CDH12: variants seen among roughly 807,000 people sequenced by gnomAD.
The protein encoded by CDH12 is cadherin-12.
In CDH12, 41 loss-of-function variants were observed where a neutral mutation model predicts 74.1. The observed-to-expected ratio is 0.55, with a 90% CI of 0.43 to 0.72. CDH12 has a LOEUF of 0.72. CDH12 is among the 30% of genes least tolerant of loss of function. The probability of loss-of-function intolerance (pLI) is 0.00; values close to 1 mark genes in which losing one functional copy is unlikely to be tolerated. For synonymous variants in CDH12, 399 were observed against 355.0 expected, an observed-to-expected ratio of 1.12 and a Z score of -1.39; for missense variants, 945 against 977.2, an observed-to-expected ratio of 0.97 and a Z score of 0.44.
At chr5:22,548,877 T>C (rs1738443926) in intron 1 of CDH12, among the ~76,000 whole-genome samples, 1 of 152,084 alleles carries the variant, frequency 6.6e-6, no homozygotes, top group African/African-American at 2.4e-5. Flanking sequence ...CCCTTTCTCA[T>C]AGTGCTTCCT....
intron 4 of CDH12, among the ~76,000 whole-genome samples, chr5:22,204,532 A>T (rs1323267161): frequency 6.6e-6 from 1 of 152,232 alleles, no homozygotes; most frequent in Non-Finnish European, 1.5e-5. Context: ...ATACAATGTA[A>T]AATTCAGACT....
intron 5 of CDH12, among the ~76,000 whole-genome samples, chr5:22,074,965 T>C (rs1742204507): frequency 6.6e-6 from 1 of 152,046 alleles, no homozygotes; most frequent in Non-Finnish European, 1.5e-5. Flanking sequence ...ACTGGGTATA[T>C]ACCCAAAGGA....
At chr5:21,784,801 C>G (rs1212850782) in intron 10 of CDH12, among the ~76,000 whole-genome samples, 1 of 152,132 alleles carries the variant, frequency 6.6e-6, no homozygotes, top group Non-Finnish European at 1.5e-5. Context: ...TTATTTGAAA[C>G]TGTAGCAGTT....
At chr5:21,790,447 T>C (rs1746426353) in intron 10 of CDH12, among the ~76,000 whole-genome samples, 1 of 152,090 alleles carries the variant, frequency 6.6e-6, no homozygotes, top group Non-Finnish European at 1.5e-5. Flanking sequence ...TTGCAATACA[T>C]AGATTAACCA....
At chr5:21,800,031 T>A (rs902158728) in intron 10 of CDH12, among the ~76,000 whole-genome samples, 2 of 152,190 alleles carry the variant, frequency 1.3e-5, no homozygotes, top group Non-Finnish European at 2.9e-5. Context: ...GAGTTTCCCC[T>A]GTTAGGTTTT....
At chr5:21,832,237 A>G (rs1265992320) in intron 8 of CDH12, among the ~76,000 whole-genome samples, 1 of 152,158 alleles carries the variant, frequency 6.6e-6, no homozygotes, top group Admixed American at 6.6e-5. Flanking sequence ...GACATGGTGA[A>G]CAGAACTAAG....
intron 4 of CDH12, among the ~76,000 whole-genome samples, chr5:22,098,996 A>T (rs551269796): frequency 6.6e-6 from 1 of 152,258 alleles, no homozygotes; most frequent in Admixed American, 6.5e-5. Context: ...CTCCTCAAGG[A>T]TTATTCAGGC....
At chr5:22,519,515 C>A (rs1230037609) in intron 1 of CDH12, among the ~76,000 whole-genome samples, 1 of 151,574 alleles carries the variant, frequency 6.6e-6, no homozygotes, top group Non-Finnish European at 1.5e-5. Context: ...ACTCCACCTC[C>A]TGGGTTCATG....
chr5:22,550,552 G>C (rs969193044), intron 1 of CDH12, among the ~76,000 whole-genome samples: 1 of 151,990 alleles, frequency 6.6e-6, no homozygotes. Flanking sequence ...ATAACAAGTC[G>C]ATTCTAACAC....
intron 2 of CDH12, among the ~76,000 whole-genome samples, chr5:22,435,530 A>ATATG: frequency 7.6e-6 from 1 of 130,770 alleles, no homozygotes; most frequent in African/African-American, 2.8e-5. Flanking sequence ...GTGTGTATAT[A>ATATG]CATATATACT....
intron 3 of CDH12, among the ~76,000 whole-genome samples, chr5:22,391,165 G>A (rs948095117): frequency 2.0e-5 from 3 of 152,158 alleles, no homozygotes; most frequent in Admixed American, 6.6e-5. Context: ...ACAGAGTGTT[G>A]CAGATGAGAA....
At chr5:22,263,686 A>G (rs1753604010) in intron 3 of CDH12, among the ~76,000 whole-genome samples, 1 of 152,126 alleles carries the variant, frequency 6.6e-6, no homozygotes, top group African/African-American at 2.4e-5. Context: ...ATATAGTACA[A>G]TGATGATAAA....
intron 6 of CDH12, among the ~76,000 whole-genome samples, chr5:21,872,903 A>ATCTATCTATCTATCTG (rs1347847483): frequency 2.6e-5 from 4 of 151,584 alleles, no homozygotes; most frequent in Non-Finnish European, 5.9e-5. Context: ...CCATCTATCT[A>ATCTATCTATCTATCTG]TCTATCTATC....
intron 1 of CDH12, among the ~76,000 whole-genome samples, chr5:22,666,295 T>G (rs1580867026): frequency 1.1e-5 from 1 of 87,812 alleles, no homozygotes; most frequent in East Asian, 3.0e-4. Flanking sequence ...TTTTTTTTTT[T>G]TTTTTTGTTT....
chr5:22,109,834 T>G (rs1046982001), intron 4 of CDH12, among the ~76,000 whole-genome samples: 1 of 152,062 alleles, frequency 6.6e-6, no homozygotes, highest in Non-Finnish European at 1.5e-5. Flanking sequence ...ATAAGACAGA[T>G]TAGCAGGAAA....
chr5:22,159,874 T>C (rs1268307711), intron 4 of CDH12, among the ~76,000 whole-genome samples: 1 of 152,194 alleles, frequency 6.6e-6, no homozygotes, highest in East Asian at 1.9e-4. Context: ...CAGCTCTATA[T>C]ACTAGGACAT....
intron 3 of CDH12, among the ~76,000 whole-genome samples, chr5:22,294,895 C>A (rs1737557365): frequency 6.6e-6 from 1 of 152,162 alleles, no homozygotes; most frequent in African/African-American, 2.4e-5. Context: ...ATGGCAGGAA[C>A]AACTTTCCCA....
chr5:22,045,602 CAA>C lies in CDH12; in HGVS notation c.231+32842_231+32843del, dbSNP rs34753862. On this transcript the variant is annotated intron_variant, in intron 5 of 14. Coordinates refer to ENST00000382254, the MANE Select transcript of CDH12 (RefSeq NM_004061.5). ...ATACAAAAATGGTACACTATTCAGC[CAA>C]AAAAAAAAAAAAACAATAAAATCTT... is the stretch of plus-strand genomic sequence containing the variant. 1.6e-4 allele frequency among the ~76,000 whole-genome samples: 18 copies of C among 112,854 alleles called. 1 individual carries two copies. Among genetic ancestry groups the C allele is most frequent in the African/African-American group, 3.5e-4 (12 of 34,588 alleles). 74.0% of individuals were successfully genotyped at this position (112,854 alleles called of 152,430 possible).
At chr5:22,014,164 T>C (rs1473136236) in intron 5 of CDH12, among the ~76,000 whole-genome samples, 2 of 152,208 alleles carry the variant, frequency 1.3e-5, no homozygotes, top group Admixed American at 6.5e-5. Flanking sequence ...GAGGCGGATG[T>C]TGCAGTGCAC....
Sources: gnomAD v4.1 joint callset for allele counts (sites outside exome capture counted in the v4.1 genomes callset) on GRCh38, gnomAD v4.1.1 for gene constraint, MANE v1.5 for transcripts, NCBI Gene and HGNC (gene_info 2026-07-23, HGNC 2026-07-21) for gene names.